Variants in IL34 observed in about 807,000 individuals in gnomAD.
IL34 encodes the protein interleukin-34.
Under a neutral mutation model 25.3 loss-of-function variants are expected in IL34, and 17 were observed. The observed-to-expected ratio is 0.67, with a 90% CI of 0.46 to 1.01. The LOEUF (loss-of-function observed/expected upper bound fraction) is 1.01, where lower values mean the gene tolerates loss of function less well. Ranked by LOEUF, IL34 falls within the 50% of genes least tolerant of loss-of-function variation. The pLI, the probability that IL34 is intolerant of heterozygous loss-of-function variation, is 0.00. For synonymous variants in IL34, 174 were observed against 140.9 expected (o/e 1.23, Z -1.66); for missense variants, 368 against 312.9 (o/e 1.18, Z -1.33).
In IL34 at chr16:70,660,045, C is replaced by T. The variant is rs777183793; in HGVS notation, c.587C>T (p.Pro196Leu). The T allele has an allele frequency of 9.3e-6, 15 of 1,612,832 alleles. No individual in the cohort carries two copies. Among genetic ancestry groups the T allele is most frequent in the Non-Finnish European group, 1.3e-5 (15 of 1,179,540 alleles). Residue 196 changes from proline to leucine, a missense_variant, in exon 6 of 6, where the codon CCT (proline) becomes CTT (leucine). Physicochemically the swap from Pro to Leu is moderately conservative, Grantham distance 98 (BLOSUM62 -3). Coordinates refer to ENST00000288098, the MANE Select transcript of IL34 (RefSeq NM_001393494.1). The stretch of plus-strand genomic sequence containing the variant: ...TGGCAGGACTGTGAGGTGCCAAGTC[C>T]TCAGTCTTGCAGCCCAGAGCCCTCA... ...LNWQDCEVPS[P>L]QSCSPEPSLQ...
Position 70,646,896 on chromosome 16 carries a change from A to T in IL34, c.-52A>T. 1 of 1,470,468 alleles carries T rather than the reference A, an allele frequency of 6.8e-7. No homozygotes were observed. Among genetic ancestry groups the T allele is most frequent in the East Asian group, 2.9e-5 (1 of 34,630 alleles). 91.1% of individuals were successfully genotyped at this position (1,470,468 alleles called of 1,614,324 possible). On this transcript the variant is annotated 5_prime_UTR_variant, in exon 1 of 6. Coordinates refer to ENST00000288098, the MANE Select transcript of IL34 (RefSeq NM_001393494.1). Reference sequence around the variant, plus strand: ...GTAGGCCGTGCTTAGGCCTCTGTGGACACACTGCTGGGGACGGCGCCTGAG... The same window carrying T: ...GTAGGCCGTGCTTAGGCCTCTGTGGTCACACTGCTGGGGACGGCGCCTGAG...
intron 1 of IL34, among the ~76,000 whole-genome samples, chr16:70,602,583 A>ATG (rs3058045): frequency 0.27 from 35,763 of 134,604 alleles, 4,090 homozygotes; most frequent in East Asian, 0.4. Flanking sequence ...TTTGGAATTG[A>ATG]TGTGTGTGTG....
intron 1 of IL34, among the ~76,000 whole-genome samples, chr16:70,641,156 C>A (rs976293589): frequency 2.6e-5 from 4 of 152,110 alleles, no homozygotes; most frequent in African/African-American, 9.7e-5. Flanking sequence ...CGCCTGTAAT[C>A]ATAGCTGCTT....
intron 1 of IL34, among the ~76,000 whole-genome samples, chr16:70,615,657 G>A (rs2051162357): frequency 6.6e-6 from 1 of 152,000 alleles, no homozygotes; most frequent in Admixed American, 6.6e-5. Flanking sequence ...TATAGATATA[G>A]GTAGATGAAA....
At chr16:70,630,580 T>A (rs1276951775) in intron 1 of IL34, among the ~76,000 whole-genome samples, 2 of 151,652 alleles carry the variant, frequency 1.3e-5, no homozygotes, top group East Asian at 3.9e-4. Context: ...CTTCTTTCTT[T>A]TTTCTTTTTT....
At chr16:70,642,531 T>A (rs2051810873), upstream of IL34, among the ~76,000 whole-genome samples, 1 of 152,026 alleles carries the variant, frequency 6.6e-6, no homozygotes, top group Non-Finnish European at 1.5e-5. Context: ...CTCCTTACCT[T>A]GTGATCCTCC....
chr16:70,651,934 G>A (rs1024203184), intron 1 of IL34, among the ~76,000 whole-genome samples: 1 of 150,750 alleles, frequency 6.6e-6, no homozygotes, highest in Non-Finnish European at 1.5e-5. Context: ...GAGCAGCCTG[G>A]CCAACCTGGT....
At position 70,646,779 on chromosome 16, in the gene IL34, C is replaced by G; in HGVS notation, c.-169C>G. ...CGGGCAGATAAGGGCAGCTGCTGCC[C>G]TTGGGGCACCTGCTCACTCCCGCAG... On this transcript the variant is annotated 5_prime_UTR_variant, in exon 1 of 6. Transcript: ENST00000288098. 1 of 591,664 alleles carries G rather than the reference C, an allele frequency of 1.7e-6. No individual in the cohort carries two copies. The highest frequency in any genetic ancestry group is 2.8e-6 in the Non-Finnish European group (1 of 358,038). 36.7% of individuals were successfully genotyped at this position (591,664 alleles called of 1,614,324 possible).
In IL34 at chr16:70,646,901, C is replaced by T. The variant is rs868038962; in HGVS notation, c.-47C>T. ...CCGTGCTTAGGCCTCTGTGGACACA[C>T]TGCTGGGGACGGCGCCTGAGCTCTC... On this transcript the variant is annotated 5_prime_UTR_variant, in exon 1 of 6. Coordinates refer to ENST00000288098, the MANE Select transcript of IL34 (RefSeq NM_001393494.1). 58 of 1,475,546 alleles carry T rather than the reference C, an allele frequency of 3.9e-5. No individual in the cohort carries two copies. Among genetic ancestry groups the T allele is most frequent in the Non-Finnish European group, 5.0e-5 (56 of 1,118,212 alleles). 91.4% of individuals were successfully genotyped at this position (1,475,546 alleles called of 1,614,324 possible). A position where few individuals can be genotyped will look rare whatever the true frequency, so the allele number is the denominator to read the frequency against.
intron 1 of IL34, among the ~76,000 whole-genome samples, chr16:70,617,551 G>C (rs970671643): frequency 3.3e-5 from 5 of 152,192 alleles, no homozygotes; most frequent in Non-Finnish European, 7.3e-5. Flanking sequence ...AAAAAGGAGC[G>C]TCTATACAGG....
chr16:70,643,661 C>T (rs2051839940), upstream of IL34, among the ~76,000 whole-genome samples: 1 of 152,190 alleles, frequency 6.6e-6, no homozygotes, highest in African/African-American at 2.4e-5. Context: ...AAGTGTGAGC[C>T]ATCACACGCA....
chr16:70,658,794 G>T (rs536208985), intron 4 of IL34, among the ~76,000 whole-genome samples: 3 of 152,266 alleles, frequency 2.0e-5, no homozygotes, highest in Admixed American at 1.3e-4. Flanking sequence ...ATGGCCTTCT[G>T]CCCTGTTTCC....
chr16:70,635,948 GGCAAAAGAGGATCCTCACCTT>G lies in IL34; in HGVS notation c.-400-10597_-400-10577del, dbSNP rs2051632273. Among the ~76,000 whole-genome samples, 3 of 151,798 alleles carry G rather than the reference GGCAAAAGAGGATCCTCACCTT, an allele frequency of 2.0e-5. No homozygotes were observed. The South Asian group carries it at 6.3e-4, about 32-fold the overall frequency. ...CCCATTTTACAGATGGGGAGGCTGA[GGCAAAAGAGGATCCTCACCTT>G]GCCCAAGGCAAGGTGGAGTCAGAGT... On this transcript the variant is annotated intron_variant, in intron 1 of 6. Coordinates refer to the IL34 transcript ENST00000429149.
At chr16:70,596,748 C>G (rs1486449446) in intron 1 of IL34, among the ~76,000 whole-genome samples, 2 of 152,318 alleles carry the variant, frequency 1.3e-5, no homozygotes, top group East Asian at 3.9e-4. Flanking sequence ...TTCATTCCCT[C>G]TTTATTAAAA....
intron 1 of IL34, among the ~76,000 whole-genome samples, chr16:70,653,837 C>T (rs2052143009): frequency 6.6e-6 from 1 of 152,130 alleles, no homozygotes; most frequent in Non-Finnish European, 1.5e-5. Context: ...TGCGAATTCT[C>T]TCCTTTTTTT....
chr16:70,581,015 G>A (rs184717556), intron 1 of IL34, among the ~76,000 whole-genome samples: 4,807 of 151,350 alleles, frequency 0.032, 290 homozygotes, highest in African/African-American at 0.11. Context: ...GGGTTCAAGC[G>A]ATTCTCCTGC....
intron 1 of IL34, among the ~76,000 whole-genome samples, chr16:70,585,721 A>AG (rs1472952547): frequency 1.3e-5 from 2 of 151,066 alleles, no homozygotes; most frequent in African/African-American, 2.4e-5. Context: ...TTTTAGAGAC[A>AG]GGGTCTCCCT....
intron 1 of IL34, among the ~76,000 whole-genome samples, chr16:70,648,552 TAAAAAA>T (rs56164163): frequency 1.4e-5 from 1 of 73,318 alleles, no homozygotes; most frequent in African/African-American, 6.7e-5. Flanking sequence ...ACCCTGTCTT[TAAAAAA>T]AAAAAAAAAA....
intron 1 of IL34, among the ~76,000 whole-genome samples, chr16:70,582,471 G>A (rs774977898): frequency 5.9e-5 from 9 of 152,228 alleles, no homozygotes; most frequent in Non-Finnish European, 1.0e-4. Flanking sequence ...GCTGGATTCC[G>A]GTCCTGGCCA....
Sources: allele counts gnomAD v4.1 joint callset (sites outside exome capture counted in the v4.1 genomes callset), GRCh38; gene constraint gnomAD v4.1.1; transcripts MANE v1.5; gene names NCBI Gene and HGNC (gene_info 2026-07-23, HGNC 2026-07-21).